Variants in CHRM3 observed in about 807,000 individuals in gnomAD.
CHRM3 encodes the protein muscarinic acetylcholine receptor M3.
In CHRM3, 11 loss-of-function variants were observed where a neutral mutation model predicts 41.8. The observed-to-expected ratio is 0.26, with a 90% CI of 0.17 to 0.44. CHRM3 has a LOEUF of 0.44. CHRM3 is among the 20% of genes least tolerant of loss of function. The pLI is 1.00. For synonymous variants in CHRM3, 297 were observed against 301.4 expected (o/e 0.99, Z 0.15); for missense variants, 571 against 745.4 (o/e 0.77, Z 2.72).
intron 6 of CHRM3, among the ~76,000 whole-genome samples, chr1:239,880,114 T>C (rs1677463854): frequency 6.6e-6 from 1 of 152,154 alleles, no homozygotes; most frequent in Non-Finnish European, 1.5e-5. Flanking sequence ...GGGACATTCA[T>C]GGGATAAAAG....
intron 3 of CHRM3, among the ~76,000 whole-genome samples, chr1:239,555,106 T>G (rs1660236381): frequency 1.3e-5 from 2 of 152,186 alleles, no homozygotes; most frequent in African/African-American, 4.8e-5. Context: ...GGAAAAATCC[T>G]CAAGATTATT....
chr1:239,881,244 CTGCACTCCAG>C (rs1677591884), intron 6 of CHRM3, among the ~76,000 whole-genome samples: 1 of 129,308 alleles, frequency 7.7e-6, no homozygotes, highest in African/African-American at 2.9e-5. Flanking sequence ...GATCCCGCCC[CTGCACTCCAG>C]CCTGGGCGAC....
intron 5 of CHRM3, among the ~76,000 whole-genome samples, chr1:239,734,368 C>T (rs1424716554): frequency 6.6e-6 from 1 of 151,842 alleles, no homozygotes; most frequent in Non-Finnish European, 1.5e-5. Context: ...TGGCACATTT[C>T]GAAAATCAGA....
rs773680197 is a variant in CHRM3, at chr1:239,685,503, G to C, written c.-147+7215G>C. 4.6e-5 allele frequency among the ~76,000 whole-genome samples: 7 copies of C among 152,176 alleles called. No homozygotes were observed. In the South Asian group the frequency reaches 1.5e-3, roughly 32 times the overall value. On this transcript the variant is annotated intron_variant, in intron 5 of 6. Transcript: ENST00000676153. The stretch of plus-strand genomic sequence containing the variant: ...ATAATGAGAAGTTCCTGCTCCTCTC[G>C]TGCATTGGGTTGTGGTACCTCTCAA...
chr1:239,643,234 G>A (rs933851532), intron 4 of CHRM3, among the ~76,000 whole-genome samples: 2 of 152,202 alleles, frequency 1.3e-5, no homozygotes, highest in Non-Finnish European at 2.9e-5. Context: ...CCCACTGGAG[G>A]AGGCAGTCTG....
chr1:239,409,595 T>G (rs12117778), intron 1 of CHRM3, among the ~76,000 whole-genome samples: 30,023 of 152,096 alleles, frequency 0.2, 3,545 homozygotes, highest in Non-Finnish European at 0.26. Context: ...AAAAAATTTT[T>G]GGGGCTATTT....
intron 1 of CHRM3, among the ~76,000 whole-genome samples, chr1:239,462,110 A>C (rs2147884963): frequency 6.6e-6 from 1 of 152,280 alleles, no homozygotes. Flanking sequence ...ACATAATTGT[A>C]ATTTTTTATC....
At chr1:239,896,476 G>T (rs142443018) in intron 6 of CHRM3, among the ~76,000 whole-genome samples, 1 of 152,188 alleles carries the variant, frequency 6.6e-6, no homozygotes, top group Admixed American at 6.5e-5. Flanking sequence ...AGTTGAACAC[G>T]TGAATATGAG....
At chr1:239,713,976 C>T (rs1204151215) in intron 5 of CHRM3, among the ~76,000 whole-genome samples, 2 of 152,138 alleles carry the variant, frequency 1.3e-5, no homozygotes, top group Non-Finnish European at 2.9e-5. Flanking sequence ...AGATTTCTTT[C>T]ATATCATTTG....
At chr1:239,406,553 G>A (rs994804146) in intron 1 of CHRM3, among the ~76,000 whole-genome samples, 1 of 152,172 alleles carries the variant, frequency 6.6e-6, no homozygotes, top group Admixed American at 6.5e-5. Flanking sequence ...TGAAGCGAAA[G>A]CTGGCCCAAA....
chr1:239,853,102 A>G (rs1173090931), intron 6 of CHRM3, among the ~76,000 whole-genome samples: 1 of 151,518 alleles, frequency 6.6e-6, no homozygotes, highest in African/African-American at 2.4e-5. Context: ...AATGATGTTT[A>G]TTTTCTTTCT....
rs1004228425 is a variant in CHRM3, at chr1:239,638,760, T to G, written c.-250+6474T>G. On this transcript the variant is annotated intron_variant, in intron 4 of 6. Transcript: ENST00000676153. The stretch of plus-strand genomic sequence containing the variant: ...TTTCTTTTGCTGTGCAGAAGCTCGT[T>G]AGTTTAATTAGATCCCATTTGTCAA... 5.7e-4 allele frequency among the ~76,000 whole-genome samples: 87 copies of G among 152,308 alleles called. 1 individual carries two copies. The East Asian group carries it at 9.1e-3, about 16-fold the overall frequency.
intron 2 of CHRM3, among the ~76,000 whole-genome samples, chr1:239,503,911 C>T (rs1056254218): frequency 1.3e-4 from 20 of 152,048 alleles, no homozygotes; most frequent in African/African-American, 4.8e-4. Context: ...TATAAAAAAT[C>T]AACTCAAAAT....
In CHRM3 at chr1:239,811,292, C is replaced by T. The variant is rs145552603; in HGVS notation, c.-146-15960C>T. ...TGGCAGCACAATTGGCGCCAGAAAG[C>T]GTGCTGACATGCTAACCGCAAGACC... On this transcript the variant is annotated intron_variant, in intron 5 of 6. Transcript: ENST00000676153. 1.8e-4 allele frequency among the ~76,000 whole-genome samples: 28 copies of T among 152,316 alleles called. 1 individual carries two copies. The South Asian group carries it at 5.4e-3, about 29-fold the overall frequency.
chr1:239,777,828 A>G (rs644326), intron 5 of CHRM3, among the ~76,000 whole-genome samples: 106,180 of 152,008 alleles, frequency 0.7, 37,538 homozygotes, highest in Non-Finnish European at 0.75. Flanking sequence ...AATCCTTCAA[A>G]TAGTTACAGG....
intron 4 of CHRM3, among the ~76,000 whole-genome samples, chr1:239,644,296 C>G (rs1469677015): frequency 6.6e-6 from 1 of 152,110 alleles, no homozygotes. Flanking sequence ...TGACTAGGGA[C>G]AAAAGTGCAA....
chr1:239,736,294 T>A (rs1249928111), intron 5 of CHRM3, among the ~76,000 whole-genome samples: 2 of 152,112 alleles, frequency 1.3e-5, no homozygotes, highest in Non-Finnish European at 2.9e-5. Context: ...GAATTGTCCC[T>A]GCCATCCCTT....
At chr1:239,635,671 T>A (rs1382249928) in intron 4 of CHRM3, among the ~76,000 whole-genome samples, 2 of 152,224 alleles carry the variant, frequency 1.3e-5, no homozygotes, top group Non-Finnish European at 2.9e-5. Flanking sequence ...CTTAAGGGAC[T>A]TAGGTAAGAC....
chr1:239,559,276 C>A (rs1047996750), intron 3 of CHRM3, among the ~76,000 whole-genome samples: 20 of 152,098 alleles, frequency 1.3e-4, no homozygotes, highest in African/African-American at 3.9e-4. Flanking sequence ...GAGTCAGGAT[C>A]ATATTTCTTG....
Sources: gnomAD v4.1 joint callset for allele counts (sites outside exome capture counted in the v4.1 genomes callset) on GRCh38, gnomAD v4.1.1 for gene constraint, MANE v1.5 for transcripts, NCBI Gene and HGNC (gene_info 2026-07-23, HGNC 2026-07-21) for gene names.